Variants in NEBL observed in about 807,000 individuals in gnomAD.
NEBL encodes LIM and SH3 protein 2.
NEBL carries 122 observed loss-of-function variants against 140.2 expected under a neutral mutation model. That is an observed-to-expected ratio of 0.87 (90% confidence interval 0.75 to 1.01). NEBL has a LOEUF of 1.01. NEBL is among the 50% of genes least tolerant of loss of function. NEBL has a pLI of 0.00. For synonymous variants in NEBL, 436 were observed against 398.9 expected (o/e 1.09, Z -1.11); for missense variants, 1,365 against 1,231.3 (o/e 1.11, Z -1.62).
At chr10:20,858,738 T>C (rs894921746) in intron 8 of NEBL, among the ~76,000 whole-genome samples, 1 of 152,218 alleles carries the variant, frequency 6.6e-6, no homozygotes, top group African/African-American at 2.4e-5. Context: ...CACAGGCTTT[T>C]TTAAAGCAAC....
chr10:20,885,687 A>G (rs972922914), intron 4 of NEBL, among the ~76,000 whole-genome samples: 2 of 152,232 alleles, frequency 1.3e-5, no homozygotes, highest in African/African-American at 2.4e-5. Context: ...TTACCTTCCC[A>G]AGGAAGTATA....
At chr10:21,231,159 G>C (rs1322199599) in intron 3 of NEBL, among the ~76,000 whole-genome samples, 1 of 152,212 alleles carries the variant, frequency 6.6e-6, no homozygotes, top group East Asian at 1.9e-4. Context: ...TTGGCTTGGT[G>C]GATGCAGTGA....
chr10:20,873,977 A>AT (rs1845233369), intron 5 of NEBL, among the ~76,000 whole-genome samples: 1 of 152,084 alleles, frequency 6.6e-6, no homozygotes, highest in South Asian at 2.1e-4. Flanking sequence ...TCATACTATC[A>AT]TTTTTATACA....
intron 2 of NEBL, among the ~76,000 whole-genome samples, chr10:21,154,696 C>A (rs1415923221): frequency 1.3e-5 from 2 of 152,208 alleles, no homozygotes; most frequent in Admixed American, 1.3e-4. Context: ...AATAAATCTT[C>A]ACAGCCTGGA....
At chr10:20,933,504 C>A (rs765323683) in intron 4 of NEBL, among the ~76,000 whole-genome samples, 1 of 152,082 alleles carries the variant, frequency 6.6e-6, no homozygotes, top group Non-Finnish European at 1.5e-5. Flanking sequence ...GAGGACAAGG[C>A]GGGTGGATAA....
chr10:20,894,478 A>G (rs1489946926), intron 2 of NEBL, among the ~76,000 whole-genome samples: 1 of 152,020 alleles, frequency 6.6e-6, no homozygotes, highest in Admixed American at 6.5e-5. Flanking sequence ...GTCCAGAAAA[A>G]TAAAAAAGAA....
intron 26 of NEBL, among the ~76,000 whole-genome samples, chr10:20,803,331 A>T (rs1006277992): frequency 6.6e-6 from 1 of 152,210 alleles, no homozygotes; most frequent in Non-Finnish European, 1.5e-5. Context: ...TCTGATCACT[A>T]TATGGTGTAT....
intron 4 of NEBL, among the ~76,000 whole-genome samples, chr10:20,903,740 T>TTC (rs200986422): frequency 0.019 from 2,867 of 151,880 alleles, 98 homozygotes; most frequent in African/African-American, 0.066. Flanking sequence ...ATGGAGGCCA[T>TTC]TATTCTAAGT....
chr10:20,836,910 T>A (rs1474103929), intron 13 of NEBL, among the ~76,000 whole-genome samples: 1 of 152,140 alleles, frequency 6.6e-6, no homozygotes, highest in African/African-American at 2.4e-5. Flanking sequence ...TGTTGGGAGA[T>A]GCCACCAAAT....
chr10:21,177,589 G>A (rs900975780), upstream of NEBL, among the ~76,000 whole-genome samples: 1 of 151,836 alleles, frequency 6.6e-6, no homozygotes, highest in Non-Finnish European at 1.5e-5. Flanking sequence ...GAGTACAGTG[G>A]CATGATCTCA....
At chr10:21,166,833 A>T (rs972743241) in intron 2 of NEBL, among the ~76,000 whole-genome samples, 1 of 152,252 alleles carries the variant, frequency 6.6e-6, no homozygotes, top group Non-Finnish European at 1.5e-5. Flanking sequence ...ACTTCATAGC[A>T]GGAATTTCAT....
intron 1 of NEBL, among the ~76,000 whole-genome samples, chr10:21,265,908 A>T (rs190428664): frequency 2.0e-5 from 3 of 152,318 alleles, no homozygotes; most frequent in African/African-American, 7.2e-5. Context: ...TAGTTTGCTG[A>T]GCCCTTGTGT....
chr10:21,184,640 T>C (rs1564538839), intron 3 of NEBL, among the ~76,000 whole-genome samples: 1 of 152,122 alleles, frequency 6.6e-6, no homozygotes, highest in Non-Finnish European at 1.5e-5. Context: ...CCAATAAAAA[T>C]AGGTATCAAA....
At chr10:20,795,084 T>C (rs985039654) in intron 26 of NEBL, among the ~76,000 whole-genome samples, 1 of 152,000 alleles carries the variant, frequency 6.6e-6, no homozygotes, top group African/African-American at 2.4e-5. Flanking sequence ...CAAAACAGTG[T>C]GAGATTAATT....
chr10:20,816,964 G>C (rs1838779930), intron 21 of NEBL, among the ~76,000 whole-genome samples: 1 of 152,166 alleles, frequency 6.6e-6, no homozygotes, highest in Non-Finnish European at 1.5e-5. Flanking sequence ...CATGCTGGTA[G>C]AAAAGGGAGG....
chr10:21,231,468 G>A (rs1285876538), intron 3 of NEBL, among the ~76,000 whole-genome samples: 1 of 152,108 alleles, frequency 6.6e-6, no homozygotes, highest in Non-Finnish European at 1.5e-5. Flanking sequence ...TGAACTCGGG[G>A]GAGGAGGTTG....
At chr10:20,888,274 A>T in intron 3 of NEBL, 67 bp from the exon 4 acceptor site, 1 of 957,214 alleles carries the variant, frequency 1.0e-6, no homozygotes, top group Non-Finnish European at 1.6e-6. Context: ...TGTGATTATA[A>T]GTAGAAAAGA....
intron 2 of NEBL, among the ~76,000 whole-genome samples, chr10:21,250,800 G>A (rs575245739): frequency 6.6e-6 from 1 of 152,052 alleles, no homozygotes; most frequent in South Asian, 2.1e-4. Context: ...CTGTGAGGCA[G>A]GAGAATCACT....
intron 3 of NEBL, among the ~76,000 whole-genome samples, chr10:20,971,260 A>G (rs1836557022): frequency 6.6e-6 from 1 of 152,220 alleles, no homozygotes; most frequent in Non-Finnish European, 1.5e-5. Context: ...GGAAAATTGA[A>G]GCCTAAAATA....
Sources: allele counts gnomAD v4.1 joint callset (sites outside exome capture counted in the v4.1 genomes callset), GRCh38; gene constraint gnomAD v4.1.1; transcripts MANE v1.5; gene names NCBI Gene and HGNC (gene_info 2026-07-23, HGNC 2026-07-21).